NUP153: variants seen among roughly 807,000 people sequenced by gnomAD.
NUP153 encodes the protein nuclear pore complex protein Nup153.
In NUP153, 27 loss-of-function variants were observed where a neutral mutation model predicts 134.6. The ratio of observed to expected loss-of-function variants is 0.20; its 90% CI spans 0.15 to 0.28. NUP153 has a LOEUF of 0.28. NUP153 is among the 10% of genes least tolerant of loss of function. NUP153 has a pLI of 1.00. For synonymous variants in NUP153, 640 were observed against 623.5 expected (o/e 1.03, Z -0.40); for missense variants, 1,821 against 1,731.3 (o/e 1.05, Z -0.92).
At chr6:17,620,826 A>T (rs1764611125) in intron 20 of NUP153, among the ~76,000 whole-genome samples, 1 of 152,232 alleles carries the variant, frequency 6.6e-6, no homozygotes, top group South Asian at 2.1e-4. Flanking sequence ...TATGGCTAAG[A>T]CATCAAAAGC....
intron 18 of NUP153, among the ~76,000 whole-genome samples, chr6:17,627,455 T>TA (rs999577766): frequency 7.2e-5 from 11 of 152,224 alleles, no homozygotes; most frequent in African/African-American, 2.7e-4. Flanking sequence ...TTTGCACATC[T>TA]AAAAACATCT....
chr6:17,662,001 A>AT lies in NUP153; in HGVS notation c.1268+16dup. ...GTTAAATATAAAGAAGTATAGCTGTATAAGAAATGACAGTACCTTTCTCGT... is the reference window on the plus strand; with the variant it reads ...GTTAAATATAAAGAAGTATAGCTGTATTAAGAAATGACAGTACCTTTCTCGT... On this transcript the variant is annotated intron_variant, in intron 10 of 21. Transcript: ENST00000262077. The AT allele has an allele frequency of 6.4e-7, 1 of 1,562,820 alleles. No homozygotes were observed. Among genetic ancestry groups the AT allele is most frequent in the Non-Finnish European group, 8.8e-7 (1 of 1,135,398 alleles).
intron 2 of NUP153, among the ~76,000 whole-genome samples, chr6:17,687,787 T>C (rs191091595): frequency 5.6e-4 from 85 of 152,260 alleles, no homozygotes; most frequent in African/African-American, 2.0e-3. Flanking sequence ...GAGAGATAAA[T>C]TGGGCTTCAT....
At chr6:17,689,751 C>G (rs1486269636) in intron 1 of NUP153, among the ~76,000 whole-genome samples, 1 of 151,848 alleles carries the variant, frequency 6.6e-6, no homozygotes, top group Non-Finnish European at 1.5e-5. Flanking sequence ...CCTCAAACTC[C>G]CGACCTCAGG....
At chr6:17,624,953 C>T in intron 19 of NUP153, 120 bp from the exon 20 acceptor site, 1 of 888,966 alleles carries the variant, frequency 1.1e-6, no homozygotes, top group Non-Finnish European at 1.7e-6. Context: ...CCTTGCTAAC[C>T]AAATTCCATC....
chr6:17,693,967 A>G (rs1037240797), intron 1 of NUP153, among the ~76,000 whole-genome samples: 1 of 152,208 alleles, frequency 6.6e-6, no homozygotes, highest in Non-Finnish European at 1.5e-5. Flanking sequence ...CTTATATAAT[A>G]GGACACCCAT....
In NUP153 at chr6:17,661,991, G is replaced by A. The variant is rs373125087; in HGVS notation, c.1268+27C>T. Reference sequence around the variant, plus strand: ...GACCTTACAAGTTAAATATAAAGAAGTATAGCTGTATAAGAAATGACAGTA... The same window carrying A: ...GACCTTACAAGTTAAATATAAAGAAATATAGCTGTATAAGAAATGACAGTA... On this transcript the variant is annotated intron_variant, in intron 10 of 21. Transcript: ENST00000262077. 3.1e-5 allele frequency: 46 copies of A among 1,496,438 alleles called. No individual in the cohort carries two copies. The African/African-American group carries it at 4.7e-4, about 15-fold the overall frequency. The allele number at this position is 1,496,438 out of a possible 1,614,324, so 92.7% of individuals were successfully genotyped here. A position where few individuals can be genotyped will look rare whatever the true frequency, so the allele number is the denominator to read the frequency against.
At chr6:17,624,253 T>G (rs1454350859) in intron 20 of NUP153, among the ~76,000 whole-genome samples, 1 of 151,982 alleles carries the variant, frequency 6.6e-6, no homozygotes. Flanking sequence ...GATCAGAAAA[T>G]GCACTTCAAA....
At chr6:17,670,562 C>G (rs1767843710) in intron 5 of NUP153, among the ~76,000 whole-genome samples, 2 of 152,288 alleles carry the variant, frequency 1.3e-5, no homozygotes, top group Middle Eastern at 3.4e-3. Flanking sequence ...CTAGCACCTG[C>G]AGTATGATGT....
At chr6:17,618,195 TAGA>T (rs1764438879) in intron 20 of NUP153, among the ~76,000 whole-genome samples, 1 of 152,108 alleles carries the variant, frequency 6.6e-6, no homozygotes, top group Non-Finnish European at 1.5e-5. Flanking sequence ...AAAATAATGC[TAGA>T]TAAACCAGAT....
chr6:17,615,986 G>C lies in NUP153; in HGVS notation c.*111C>G, dbSNP rs1016729610. 3.0e-6 allele frequency: 2 copies of C among 674,986 alleles called. No individual in the cohort carries two copies. Among genetic ancestry groups the C allele is most frequent in the Non-Finnish European group, 4.8e-6 (2 of 412,740 alleles). The allele number at this position is 674,986 out of a possible 1,614,324, so 41.8% of individuals were successfully genotyped here. A position where few individuals can be genotyped will look rare whatever the true frequency, so the allele number is the denominator to read the frequency against. On this transcript the variant is annotated 3_prime_UTR_variant, in exon 22 of 22. Transcript: ENST00000262077. The surrounding 1 kb of genome is among the most constrained non-coding windows in gnomAD (Gnocchi z 5.7). ...AAAGGAGGAAAATTCCAAAATTAAA[G>C]AAGTCCTTAGGCAGATCTGACTTCA...
chr6:17,657,401 TAAAAAAAA>T (rs140217238), intron 11 of NUP153, among the ~76,000 whole-genome samples: 9 of 140,416 alleles, frequency 6.4e-5, no homozygotes, highest in East Asian at 6.1e-4. Context: ...AATAAAAAAA[TAAAAAAAA>T]AAAAAATAGC....
chr6:17,690,389 A>G (rs936166296), intron 1 of NUP153, among the ~76,000 whole-genome samples: 4 of 152,160 alleles, frequency 2.6e-5, no homozygotes, highest in African/African-American at 9.7e-5. Flanking sequence ...CAAAAAAAAA[A>G]GTATGGGCTT....
intron 2 of NUP153, among the ~76,000 whole-genome samples, chr6:17,685,566 CT>C (rs1053671674): frequency 2.8e-5 from 4 of 141,882 alleles, no homozygotes; most frequent in African/African-American, 1.0e-4. Flanking sequence ...AAAAAAAAAA[CT>C]GTTATATAAA....
At chr6:17,631,973 A>C (rs538867699) in intron 17 of NUP153, among the ~76,000 whole-genome samples, 2 of 151,624 alleles carry the variant, frequency 1.3e-5, no homozygotes, top group South Asian at 4.2e-4. Context: ...CTCAAAAAAA[A>C]CACAAAAATC....
At position 17,706,482 on chromosome 6, in the gene NUP153, C is replaced by G; in HGVS notation, c.-95G>C. ...GAGAGCCTCCCCCGCCGCCCGGCCC[C>G]GGCCCAAAAGTCCGCCCGCGCTGTC... On this transcript the variant is annotated 5_prime_UTR_variant, in exon 1 of 22. Coordinates refer to ENST00000262077, the MANE Select transcript of NUP153 (RefSeq NM_005124.4). The surrounding 1 kb of genome is among the most constrained non-coding windows in gnomAD (Gnocchi z 5.9). The G allele has an allele frequency of 1.0e-6, 1 of 961,122 alleles. No homozygotes were observed. Among genetic ancestry groups the G allele is most frequent in the Middle Eastern group, 3.2e-4 (1 of 3,100 alleles). The allele number at this position is 961,122 out of a possible 1,614,324, so 59.5% of individuals were successfully genotyped here. A position where few individuals can be genotyped will look rare whatever the true frequency, so the allele number is the denominator to read the frequency against.
intron 11 of NUP153, among the ~76,000 whole-genome samples, chr6:17,656,184 G>C (rs1408294299): frequency 6.6e-6 from 1 of 152,200 alleles, no homozygotes; most frequent in African/African-American, 2.4e-5. Context: ...CACCCTGGGA[G>C]ACAGAGCAAG....
In NUP153 at chr6:17,629,117, C is replaced by T. The variant is rs750870153; in HGVS notation, c.3082G>A (p.Val1028Ile). ...GCAGGAGCAGGGGTGGAGTTAATAACACCTGTACCAAAGCTAAAACCTGCA... is the reference window on the plus strand; with the variant it reads ...GCAGGAGCAGGGGTGGAGTTAATAATACCTGTACCAAAGCTAAAACCTGCA... ...SSAGFSFGTG[V>I]INSTPAPANT... Residue 1028 changes from valine (V) to isoleucine (I), a missense_variant, in exon 18 of 22, where the codon GTT becomes ATT. Physicochemically the swap from Val to Ile is conservative, Grantham distance 29. Transcript: ENST00000262077. 8 of 1,614,032 alleles carry T rather than the reference C, an allele frequency of 5.0e-6. No homozygotes were observed. The South Asian group carries it at 8.8e-5, about 18-fold the overall frequency.
At chr6:17,621,969 T>A (rs1217536244) in intron 20 of NUP153, among the ~76,000 whole-genome samples, 2 of 152,146 alleles carry the variant, frequency 1.3e-5, no homozygotes, top group Non-Finnish European at 2.9e-5. Flanking sequence ...AATATTTTTT[T>A]AAAGTTTTTC....
Sources: gnomAD v4.1 joint callset for allele counts (sites outside exome capture counted in the v4.1 genomes callset) on GRCh38, gnomAD v4.1.1 for gene constraint, Gnocchi (gnomAD v3.1) non-coding constraint, MANE v1.5 for transcripts, NCBI Gene and HGNC (gene_info 2026-07-23, HGNC 2026-07-21) for gene names.